The following AURKA variants were observed in gnomAD, a reference collection of about 807,000 sequenced individuals.
AURKA encodes the protein aurora kinase A, also known as aurora 2.
AURKA carries 12 observed loss-of-function variants against 40.9 expected under a neutral mutation model. The observed-to-expected ratio is 0.29, with a 90% CI of 0.19 to 0.48. The LOEUF (loss-of-function observed/expected upper bound fraction) is 0.48, where lower values mean the gene tolerates loss of function less well. Among genes scored for constraint, AURKA ranks in the 20% least tolerant of loss-of-function variants. AURKA has a pLI of 0.99. For missense variants in AURKA, 322 were observed against 462.1 expected (o/e 0.70, Z 2.78); for synonymous variants, 170 against 164.3 (o/e 1.03, Z -0.26).
intron 6 of AURKA, among the ~76,000 whole-genome samples, chr20:56,380,764 C>G (rs1985608325): frequency 6.6e-6 from 1 of 152,152 alleles, no homozygotes. Flanking sequence ...TGCACTTTAC[C>G]TCTGATCTCC....
chr20:56,391,063 T>G (rs1019132179), intron 1 of AURKA, among the ~76,000 whole-genome samples: 1 of 152,214 alleles, frequency 6.6e-6, no homozygotes, highest in Non-Finnish European at 1.5e-5. Flanking sequence ...TTCAGGTGAC[T>G]CTAATCTGCA....
chr20:56,388,358 G>C, intron 1 of AURKA, 156 bp from the exon 2 acceptor site: 2 of 715,908 alleles, frequency 2.8e-6, no homozygotes, highest in South Asian at 3.3e-5. Context: ...GGGAGGGACA[G>C]GCATGTGCTT....
chr20:56,370,271 T>C lies in AURKA; in HGVS notation c.1099A>G (p.Asn367Asp), dbSNP rs368251182. The C allele has an allele frequency of 1.9e-6, 3 of 1,614,078 alleles. No homozygotes were observed. Among genetic ancestry groups the C allele is most frequent in the African/African-American group, 2.7e-5 (2 of 74,918 alleles). The change falls in exon 9 of 9, where the codon AAT becomes GAT. Residue 367 changes from asparagine to aspartate, a missense_variant. Transcript: ENST00000395915. ...CTGAGCATTGGCCTCTGGCTGGGATTATGCTTCAACAGTCTTGAAATGAGG... is the reference window on the plus strand; with the variant it reads ...CTGAGCATTGGCCTCTGGCTGGGATCATGCTTCAACAGTCTTGAAATGAGG... ...RDLISRLLKHNPSQRPMLREV... is the reference protein window; with the variant it reads ...RDLISRLLKHDPSQRPMLREV...
rs1222045363 is a variant in AURKA at position 56,369,781 on chromosome 20, T to C, written c.*377A>G. On this transcript the variant is annotated 3_prime_UTR_variant, in exon 9 of 9. Coordinates refer to ENST00000395915, the MANE Select transcript of AURKA (RefSeq NM_198437.3). ...ACTCACTCAGGTACTAGGAAGGTTA[T>C]TGCACAGCTCCTTAACTGATCGGGG... 3.0e-5 allele frequency: 13 copies of C among 434,922 alleles called. No homozygotes were observed. Among genetic ancestry groups the C allele is most frequent in the African/African-American group, 1.4e-4 (7 of 51,152 alleles). 26.9% of individuals were successfully genotyped at this position (434,922 alleles called of 1,614,324 possible).
intron 5 of AURKA, among the ~76,000 whole-genome samples, chr20:56,382,001 T>C (rs1985771346): frequency 6.6e-6 from 1 of 151,954 alleles, no homozygotes; most frequent in South Asian, 2.1e-4. Context: ...TCGTCTCTAC[T>C]AAAAATACAA....
chr20:56,370,733 G>A, intron 7 of AURKA, 74 bp from the exon 8 acceptor site: 1 of 1,531,804 alleles, frequency 6.5e-7, no homozygotes, highest in Non-Finnish European at 9.0e-7. Context: ...AATCATTAAA[G>A]AGTCCACTAA....
At position 56,383,076 on chromosome 20, in the gene AURKA, G is replaced by A. The variant is rs763570140; in HGVS notation, c.475C>T (p.Leu159=). The A allele has an allele frequency of 1.2e-5, 19 of 1,614,116 alleles. No homozygotes were observed. The South Asian group carries it at 2.1e-4, about 18-fold the overall frequency. ...GCTTTAAATAACACTTTAAGAGCCA[G>A]AATAAACTTGCTTTGCTTTTCTCTT... The part of the protein sequence containing the change: ...LAREKQSKFI[L]ALKVLFKAQL... The change falls in exon 5 of 9, where the codon CTG becomes TTG. Residue 159 remains leucine (L), a synonymous_variant. Coordinates refer to ENST00000395915, the MANE Select transcript of AURKA (RefSeq NM_198437.3).
intron 1 of AURKA, among the ~76,000 whole-genome samples, chr20:56,390,118 T>C (rs139180659): frequency 0.012 from 1,841 of 152,272 alleles, 19 homozygotes; most frequent in Middle Eastern, 0.037. Context: ...GACAGGCCTA[T>C]TGAAGTCTCA....
At chr20:56,370,735 G>A (rs1166388332) in intron 7 of AURKA, 76 bp from the exon 8 acceptor site, 1 of 1,519,654 alleles carries the variant, frequency 6.6e-7, no homozygotes, top group African/African-American at 1.4e-5. Flanking sequence ...TCATTAAAGA[G>A]TCCACTAACA....
rs1259186443 is a variant in AURKA, at chr20:56,369,676, ATCTT to A, written c.*478_*481del. Reference sequence around the variant, plus strand: ...AGAAAAAATACAAGTCTGTACATATATCTTTATTTTCATACTTAAAAAGAATCAC... The same window carrying A: ...AGAAAAAATACAAGTCTGTACATATATATTTTCATACTTAAAAAGAATCAC... On this transcript the variant is annotated 3_prime_UTR_variant, in exon 9 of 9. Transcript: ENST00000395915. The A allele has an allele frequency of 1.2e-5, 4 of 336,442 alleles. No individual in the cohort carries two copies. Among genetic ancestry groups the A allele is most frequent in the African/African-American group, 8.1e-5 (4 of 49,484 alleles). 20.8% of individuals were successfully genotyped at this position (336,442 alleles called of 1,614,324 possible).
chr20:56,370,475 T>G lies in AURKA; in HGVS notation c.1029+10A>C. 1 of 1,614,214 alleles carries G rather than the reference T, an allele frequency of 6.2e-7. No individual in the cohort carries two copies. The highest frequency in any genetic ancestry group is 8.5e-7 in the Non-Finnish European group (1 of 1,180,040). On this transcript the variant is annotated intron_variant, in intron 8 of 8. Coordinates refer to ENST00000395915, the MANE Select transcript of AURKA (RefSeq NM_198437.3). ...GCAGATGTGCTGGGTCCTTTTCAGT[T>G]GCGTCTTACCCGTGATATTCTTTTG...
At chr20:56,388,447 C>T (rs1986651035) in intron 1 of AURKA, 2 of 559,780 alleles carry the variant, frequency 3.6e-6, no homozygotes, top group Non-Finnish European at 6.4e-6. Flanking sequence ...GGTCTTGCTG[C>T]TCCATCATCT....
chr20:56,373,633 G>A lies in AURKA; in HGVS notation c.706-77C>T. The A allele has an allele frequency of 1.3e-6, 2 of 1,530,198 alleles. No homozygotes were observed. Among genetic ancestry groups the A allele is most frequent in the Non-Finnish European group, 9.0e-7 (1 of 1,110,284 alleles). 94.8% of individuals were successfully genotyped at this position (1,530,198 alleles called of 1,614,324 possible). On this transcript the variant is annotated intron_variant, in intron 6 of 8. Transcript: ENST00000395915. The surrounding 1 kb of genome is among the most constrained non-coding windows in gnomAD (Gnocchi z 5.0). ...TAATATTAGACATCTCTTCCGAAAG[G>A]AACACAACATAGATTTAACATGGTT...
intron 6 of AURKA, among the ~76,000 whole-genome samples, chr20:56,377,332 C>G (rs182026208): frequency 6.6e-6 from 1 of 151,860 alleles, no homozygotes; most frequent in Admixed American, 6.6e-5. Context: ...AACAAAAATA[C>G]AAGGCACGGA....
chr20:56,377,084 C>A (rs1985024386), intron 6 of AURKA, among the ~76,000 whole-genome samples: 1 of 150,732 alleles, frequency 6.6e-6, no homozygotes, highest in Middle Eastern at 3.4e-3. Context: ...AAGAATGCCT[C>A]AAAAAAAACA....
rs763976457 is a variant in AURKA at position 56,370,248 on chromosome 20, G to C, written c.1122C>G (p.Leu374=). Residue 374 remains leucine (L), a synonymous_variant, in exon 9 of 9, where the codon CTC becomes CTG. Coordinates refer to ENST00000395915, the MANE Select transcript of AURKA (RefSeq NM_198437.3). ...TCCAGGGGTGTTCAAGTACTTCTCT[G>C]AGCATTGGCCTCTGGCTGGGATTAT... The part of the protein sequence containing the change: ...LKHNPSQRPM[L]REVLEHPWIT... The C allele has an allele frequency of 2.5e-6, 4 of 1,614,174 alleles. No homozygotes were observed. In the East Asian group the frequency reaches 8.9e-5, roughly 36 times the overall value.
rs1983826390 is a variant in AURKA, at chr20:56,369,605, CG to C, written c.*552del. On this transcript the variant is annotated 3_prime_UTR_variant, in exon 9 of 9. Transcript: ENST00000395915. ...GGACTAGAAACCCAATCAGGCCTAC[CG>C]GGGTGCCGGACAGACACACAGCATT... The C allele has an allele frequency of 3.8e-5, 10 of 262,268 alleles. No individual in the cohort carries two copies. In the South Asian group the frequency reaches 1.1e-3, roughly 29 times the overall value. The allele number at this position is 262,268 out of a possible 1,614,324, so 16.2% of individuals were successfully genotyped here. A position where few individuals can be genotyped will look rare whatever the true frequency, so the allele number is the denominator to read the frequency against.
At position 56,380,360 on chromosome 20, in the gene AURKA, G is replaced by GAA. The variant is rs58953054; in HGVS notation, c.705+1071_705+1072dup. 2.0e-3 allele frequency among the ~76,000 whole-genome samples: 245 copies of GAA among 119,962 alleles called. 4 individuals carry two copies. The highest frequency in any genetic ancestry group is 4.7e-3 in the African/African-American group (134 of 28,548). 78.7% of individuals were successfully genotyped at this position (119,962 alleles called of 152,430 possible). On this transcript the variant is annotated intron_variant, in intron 6 of 8. Coordinates refer to ENST00000395915, the MANE Select transcript of AURKA (RefSeq NM_198437.3). ...ACAGAGTGAGACTCCGTCTCAAAAAGAAAAAAAAAAAAAAAGAAAGAAAAA... is the reference window on the plus strand; with the variant it reads ...ACAGAGTGAGACTCCGTCTCAAAAAGAAAAAAAAAAAAAAAAAGAAAGAAAAA...
chr20:56,380,543 C>G (rs148634148), intron 6 of AURKA, among the ~76,000 whole-genome samples: 177 of 152,024 alleles, frequency 1.2e-3, no homozygotes, highest in African/African-American at 4.1e-3. Flanking sequence ...CACAGAATTC[C>G]AGATAATTTA....
Sources: gnomAD v4.1 joint callset for allele counts (sites outside exome capture counted in the v4.1 genomes callset) on GRCh38, gnomAD v4.1.1 for gene constraint, Gnocchi (gnomAD v3.1) non-coding constraint, MANE v1.5 for transcripts, NCBI Gene and HGNC (gene_info 2026-07-23, HGNC 2026-07-21) for gene names.